Variants in SLC39A10 observed in about 807,000 individuals in gnomAD.
The protein encoded by SLC39A10 is solute carrier family 39 member 10, also known as zinc transporter ZIP10.
SLC39A10 carries 13 observed loss-of-function variants against 65.1 expected under a neutral mutation model. That is an observed-to-expected ratio of 0.20 (90% CI 0.13 to 0.32). SLC39A10 has a LOEUF of 0.32. Among genes scored for constraint, SLC39A10 ranks in the 10% least tolerant of loss-of-function variants. The probability of loss-of-function intolerance (pLI) is 1.00; values close to 1 mark genes in which losing one functional copy is unlikely to be tolerated. For synonymous variants in SLC39A10, 321 were observed against 342.2 expected (o/e 0.94, Z 0.68); for missense variants, 831 against 1,018.4 (o/e 0.82, Z 2.50).
rs148774825 is a variant in SLC39A10 at position 195,650,419 on chromosome 2, A to G, written c.-11-29613A>G. The stretch of plus-strand genomic sequence containing the variant: ...TTTTTTGCTTTTGTTCATTCTTCTG[A>G]GTAGGTCTTTCTCTTTCTCTTGAGC... On this transcript the variant is annotated intron_variant, in intron 2 of 2. Coordinates refer to the SLC39A10 transcript ENST00000458054. 2.5e-3 allele frequency among the ~76,000 whole-genome samples: 381 copies of G among 152,020 alleles called. 11 individuals are homozygous for G. The highest frequency in any genetic ancestry group is 0.021 in the Admixed American group (317 of 15,272).
At chr2:195,709,485 GC>G (rs954248362) in intron 5 of SLC39A10, among the ~76,000 whole-genome samples, 1 of 152,110 alleles carries the variant, frequency 6.6e-6, no homozygotes, top group African/African-American at 2.4e-5. Flanking sequence ...ACCTGCCTTA[GC>G]CTCCCAAAGT....
intron 3 of SLC39A10, among the ~76,000 whole-genome samples, chr2:195,697,423 T>C (rs1691008489): frequency 6.6e-6 from 1 of 152,218 alleles, no homozygotes. Flanking sequence ...TTTGTAGTTT[T>C]CTTTTTTACT....
intron 6 of SLC39A10, among the ~76,000 whole-genome samples, chr2:195,716,282 A>G (rs1169533186): frequency 1.3e-5 from 2 of 152,158 alleles, no homozygotes; most frequent in Non-Finnish European, 2.9e-5. Context: ...CTATCCAAAG[A>G]TGAACTCTTT....
At chr2:195,696,386 G>T in intron 3 of SLC39A10, among the ~76,000 whole-genome samples, 1 of 150,552 alleles carries the variant, frequency 6.6e-6, no homozygotes, top group Admixed American at 6.6e-5. Context: ...AAATCAACTT[G>T]GGCAGCATTG....
intron 4 of SLC39A10, 139 bp downstream of exon 4, chr2:195,706,924 C>G: frequency 1.8e-6 from 1 of 562,252 alleles, no homozygotes; most frequent in Non-Finnish European, 2.7e-6. Context: ...ATTTTTTTCT[C>G]CATTTTCAGA....
intron 1 of SLC39A10, among the ~76,000 whole-genome samples, chr2:195,673,042 A>G (rs981703839): frequency 6.6e-6 from 1 of 152,208 alleles, no homozygotes; most frequent in Non-Finnish European, 1.5e-5. Context: ...CTGTGAGATT[A>G]AAAAACATCT....
chr2:195,713,643 C>A, intron 6 of SLC39A10, 90 bp downstream of exon 6: 1 of 1,356,498 alleles, frequency 7.4e-7, no homozygotes, highest in Non-Finnish European at 9.8e-7. Flanking sequence ...TTCATTCAAT[C>A]TGAAATTAAA....
intron 3 of SLC39A10, among the ~76,000 whole-genome samples, chr2:195,691,130 A>C (rs1010494100): frequency 6.6e-6 from 1 of 152,182 alleles, no homozygotes; most frequent in Non-Finnish European, 1.5e-5. Flanking sequence ...GAGTTACTTC[A>C]CTTAGAATAA....
At chr2:195,637,405 C>T (rs1416344182) in intron 2 of SLC39A10, among the ~76,000 whole-genome samples, 2 of 152,176 alleles carry the variant, frequency 1.3e-5, no homozygotes, top group African/African-American at 2.4e-5. Context: ...ATATTTATCT[C>T]ATACCAGGAC....
At chr2:195,733,821 A>G (rs1343061290) in intron 9 of SLC39A10, among the ~76,000 whole-genome samples, 2 of 152,168 alleles carry the variant, frequency 1.3e-5, no homozygotes, top group Non-Finnish European at 2.9e-5. Flanking sequence ...ATGAGCCACA[A>G]CGCCCAGCCA....
At chr2:195,685,490 A>G (rs1401641450) in intron 3 of SLC39A10, among the ~76,000 whole-genome samples, 1 of 152,076 alleles carries the variant, frequency 6.6e-6, no homozygotes, top group African/African-American at 2.4e-5. Flanking sequence ...CTGCCTTGAC[A>G]TTCTTAACGC....
chr2:195,684,503 C>T (rs1690449980), intron 3 of SLC39A10, among the ~76,000 whole-genome samples: 3 of 152,118 alleles, frequency 2.0e-5, no homozygotes, highest in Non-Finnish European at 2.9e-5. Flanking sequence ...GTACCTCCCA[C>T]TTAATATTTC....
At chr2:195,714,877 C>T (rs1312683980) in intron 6 of SLC39A10, among the ~76,000 whole-genome samples, 4 of 152,006 alleles carry the variant, frequency 2.6e-5, no homozygotes, top group Admixed American at 6.5e-5. Flanking sequence ...CTCAGCCTCC[C>T]GAGTAGCTGG....
Position 195,728,129 on chromosome 2 carries a change from T to A in SLC39A10, c.2147-30T>A. 2 of 1,585,448 alleles carry A rather than the reference T, an allele frequency of 1.3e-6. No homozygotes were observed. The highest frequency in any genetic ancestry group is 1.7e-6 in the Non-Finnish European group (2 of 1,160,770). On this transcript the variant is annotated intron_variant, in intron 8 of 9. Transcript: ENST00000359634. The surrounding 1 kb of genome is among the most constrained non-coding windows in gnomAD (Gnocchi z 4.4). ...ATTTGTGTTTTAAATCCTGTGGTTT[T>A]AAAACATTCCCATTGTTTCTTAATT...
intron 2 of SLC39A10, among the ~76,000 whole-genome samples, chr2:195,637,922 T>G (rs1688725159): frequency 6.6e-6 from 1 of 152,110 alleles, no homozygotes; most frequent in Non-Finnish European, 1.5e-5. Context: ...TTAGTTAAAG[T>G]TAGGAACTTA....
chr2:195,724,931 T>C (rs868578661), intron 8 of SLC39A10, among the ~76,000 whole-genome samples: 5 of 151,860 alleles, frequency 3.3e-5, no homozygotes, highest in African/African-American at 7.3e-5. Flanking sequence ...GGTGAAAGAG[T>C]AGACACATAA....
At chr2:195,687,764 T>C (rs1369192526) in intron 3 of SLC39A10, among the ~76,000 whole-genome samples, 3 of 152,230 alleles carry the variant, frequency 2.0e-5, no homozygotes, top group Non-Finnish European at 2.9e-5. Context: ...GTTCAAAGAC[T>C]GCTGTAAACC....
chr2:195,661,598 A>T (rs552915879), intron 1 of SLC39A10, among the ~76,000 whole-genome samples: 1 of 152,222 alleles, frequency 6.6e-6, no homozygotes, highest in Non-Finnish European at 1.5e-5. Flanking sequence ...ATGTTCAGAC[A>T]TGTTAAAACA....
intron 6 of SLC39A10, 63 bp from the exon 7 acceptor site, chr2:195,716,574 T>TAGGTG: frequency 1.1e-6 from 1 of 927,366 alleles, no homozygotes. Context: ...GCTATTCTGT[T>TAGGTG]TAAATTAGCA....
Sources: allele counts gnomAD v4.1 joint callset (sites outside exome capture counted in the v4.1 genomes callset), GRCh38; gene constraint gnomAD v4.1.1; non-coding constraint Gnocchi (gnomAD v3.1); transcripts MANE v1.5; gene names NCBI Gene and HGNC (gene_info 2026-07-23, HGNC 2026-07-21).